The following L2HGDH variants were observed in gnomAD, a reference collection of about 807,000 sequenced individuals.
L2HGDH encodes L-2-hydroxyglutarate dehydrogenase, also known as L-2-hydroxyglutarate dehydrogenase, mitochondrial.
In L2HGDH, 34 loss-of-function variants were observed where a neutral mutation model predicts 51.5. That is an observed-to-expected ratio of 0.66 (90% CI 0.50 to 0.88). The LOEUF (loss-of-function observed/expected upper bound fraction) is 0.88, where lower values mean the gene tolerates loss of function less well. L2HGDH is among the 40% of genes least tolerant of loss of function. The pLI, the probability that L2HGDH is intolerant of heterozygous loss-of-function variation, is 0.00. For missense variants in L2HGDH, 558 were observed against 571.9 expected, an observed-to-expected ratio of 0.98 and a Z score of 0.25; for synonymous variants, 198 against 197.9, an observed-to-expected ratio of 1.00 and a Z score of -0.01.
At chr14:50,289,391 TAAC>T (rs1890740984) in intron 4 of L2HGDH, among the ~76,000 whole-genome samples, 1 of 152,130 alleles carries the variant, frequency 6.6e-6, no homozygotes, top group Non-Finnish European at 1.5e-5. Context: ...TTAATTATCT[TAAC>T]AGGGTAATCT....
At chr14:50,301,541 T>G (rs1356394271) in intron 3 of L2HGDH, among the ~76,000 whole-genome samples, 1 of 152,180 alleles carries the variant, frequency 6.6e-6, no homozygotes, top group South Asian at 2.1e-4. Context: ...TTTGACAACA[T>G]TATGCTAAGT....
Position 50,244,869 on chromosome 14 carries a change from AGAT to A in L2HGDH, c.*2186_*2188del, listed in dbSNP as rs1057003468. The stretch of plus-strand genomic sequence containing the variant: ...GAGGAAAGAAGACATACACAGTAGA[AGAT>A]GAATCCTGAGAGAGCAAATCAGAGA... On this transcript the variant is annotated 3_prime_UTR_variant, in exon 10 of 10. Coordinates refer to ENST00000267436, the MANE Select transcript of L2HGDH (RefSeq NM_024884.3). 1 of 985,390 alleles carries A rather than the reference AGAT, an allele frequency of 1.0e-6. No homozygotes were observed. The highest frequency in any genetic ancestry group is 1.7e-5 in the African/African-American group (1 of 57,264). The allele number at this position is 985,390 out of a possible 1,614,324, so 61.0% of individuals were successfully genotyped here.
intron 3 of L2HGDH, among the ~76,000 whole-genome samples, chr14:50,300,373 C>T (rs1372176394): frequency 6.6e-6 from 1 of 152,172 alleles, no homozygotes; most frequent in Non-Finnish European, 1.5e-5. Flanking sequence ...CGCCTCACTG[C>T]AACCTCTGCC....
chr14:50,252,321 A>C (rs1481421512), intron 9 of L2HGDH, among the ~76,000 whole-genome samples: 4 of 152,066 alleles, frequency 2.6e-5, no homozygotes, highest in Non-Finnish European at 5.9e-5. Context: ...TCAGAGAAAA[A>C]TCACCTTCAT....
intron 4 of L2HGDH, among the ~76,000 whole-genome samples, chr14:50,284,614 G>A (rs926926049): frequency 1.2e-4 from 18 of 152,058 alleles, no homozygotes; most frequent in Admixed American, 4.6e-4. Flanking sequence ...GTCATTGGCC[G>A]TTTCTAATTC....
At chr14:50,285,171 C>G (rs1458651711) in intron 4 of L2HGDH, among the ~76,000 whole-genome samples, 2 of 152,164 alleles carry the variant, frequency 1.3e-5, no homozygotes, top group Non-Finnish European at 2.9e-5. Flanking sequence ...TGCTTGAACC[C>G]CAGAGGCGGA....
chr14:50,243,102 A>G lies in L2HGDH; in HGVS notation c.*3956T>C. 1.0e-6 allele frequency: 1 copy of G among 985,500 alleles called. No individual in the cohort carries two copies. Among genetic ancestry groups the G allele is most frequent in the Non-Finnish European group, 1.2e-6 (1 of 829,954 alleles). The allele number at this position is 985,500 out of a possible 1,614,324, so 61.0% of individuals were successfully genotyped here. On this transcript the variant is annotated 3_prime_UTR_variant, in exon 10 of 10. Transcript: ENST00000267436. ...TAGATTTCCAAATGGCCTCAGGGAAAGTGGAATTCTGCCAACAGTAAAGGC... is the reference window on the plus strand; with the variant it reads ...TAGATTTCCAAATGGCCTCAGGGAAGGTGGAATTCTGCCAACAGTAAAGGC...
intron 1 of L2HGDH, among the ~76,000 whole-genome samples, chr14:50,308,059 G>T (rs1479050125): frequency 6.6e-6 from 1 of 152,188 alleles, no homozygotes; most frequent in Non-Finnish European, 1.5e-5. Context: ...ATCTCCCAAA[G>T]GACTCATACA....
chr14:50,271,265 T>C (rs1182254748), intron 6 of L2HGDH, among the ~76,000 whole-genome samples: 1 of 152,228 alleles, frequency 6.6e-6, no homozygotes, highest in Non-Finnish European at 1.5e-5. Context: ...CACAAAAGAT[T>C]GGCAGTTCTT....
At chr14:50,297,167 T>C (rs1449791589) in intron 3 of L2HGDH, among the ~76,000 whole-genome samples, 3 of 152,188 alleles carry the variant, frequency 2.0e-5, no homozygotes, top group Non-Finnish European at 4.4e-5. Flanking sequence ...GGGTAAAAGA[T>C]TGAATGCTTT....
At position 50,303,066 on chromosome 14, in the gene L2HGDH, C is replaced by T. The variant is rs375833037; in HGVS notation, c.141-49G>A. ...AGTAATTCATATTTACAGTAGACCT[C>T]GCCAAACTTCACATGCATAATTTTC... is the stretch of plus-strand genomic sequence containing the variant. On this transcript the variant is annotated intron_variant, in intron 1 of 9. Coordinates refer to ENST00000267436, the MANE Select transcript of L2HGDH (RefSeq NM_024884.3). 3.1e-4 allele frequency: 355 copies of T among 1,128,296 alleles called. 1 individual carries two copies. The highest frequency in any genetic ancestry group is 4.4e-4 in the Non-Finnish European group (327 of 739,966). 69.9% of individuals were successfully genotyped at this position (1,128,296 alleles called of 1,614,324 possible). A position where few individuals can be genotyped will look rare whatever the true frequency, so the allele number is the denominator to read the frequency against.
chr14:50,243,780 C>A lies in L2HGDH; in HGVS notation c.*3278G>T, dbSNP rs1337332725. 1.2e-3 allele frequency: 173 copies of A among 149,102 alleles called. No homozygotes were observed. The highest frequency in any genetic ancestry group is 4.2e-3 in the African/African-American group (169 of 40,648). The allele number at this position is 149,102 out of a possible 1,614,324, so 9.2% of individuals were successfully genotyped here. On this transcript the variant is annotated 3_prime_UTR_variant, in exon 10 of 10. Transcript: ENST00000267436. ...ATGTGCCGTGCTGGTGTGCTGCACCCATTAACTCGTCATTTAGCATTAGGT... is the reference window on the plus strand; with the variant it reads ...ATGTGCCGTGCTGGTGTGCTGCACCAATTAACTCGTCATTTAGCATTAGGT...
chr14:50,245,614 AT>A lies in L2HGDH; in HGVS notation c.*1443del. On this transcript the variant is annotated 3_prime_UTR_variant, in exon 10 of 10. Transcript: ENST00000267436. ...CCAAATACAAATATTGTTGCTCTAA[AT>A]AATGTGAGTTTTGTGACTCTTCAAA... is the stretch of plus-strand genomic sequence containing the variant. 1 of 973,960 alleles carries A rather than the reference AT, an allele frequency of 1.0e-6. No homozygotes were observed. The highest frequency in any genetic ancestry group is 1.1e-4 in the East Asian group (1 of 8,774). 60.3% of individuals were successfully genotyped at this position (973,960 alleles called of 1,614,324 possible).
chr14:50,249,499 G>A (rs1341513165), intron 9 of L2HGDH, among the ~76,000 whole-genome samples: 1 of 152,188 alleles, frequency 6.6e-6, no homozygotes, highest in African/African-American at 2.4e-5. Flanking sequence ...AGAGTTGTGA[G>A]GCCCGCATTA....
intron 3 of L2HGDH, among the ~76,000 whole-genome samples, chr14:50,301,410 TG>T (rs141511886): frequency 0.01 from 1,539 of 152,278 alleles, 22 homozygotes; most frequent in African/African-American, 0.035. Flanking sequence ...AGCCAAAAGG[TG>T]GAAACAATCC....
intron 7 of L2HGDH, among the ~76,000 whole-genome samples, chr14:50,268,381 G>GAAGA (rs1555328846): frequency 1.2e-4 from 8 of 67,924 alleles, no homozygotes; most frequent in African/African-American, 3.6e-4. Context: ...TCTGTCTCAG[G>GAAGA]AAAAAAAAAA....
chr14:50,289,297 CAG>C (rs1890734524), intron 4 of L2HGDH, among the ~76,000 whole-genome samples: 1 of 151,944 alleles, frequency 6.6e-6, no homozygotes, highest in African/African-American at 2.4e-5. Context: ...AGAAAATAAA[CAG>C]AATAAAATAA....
chr14:50,293,418 C>T, intron 4 of L2HGDH: 1 of 488,732 alleles, frequency 2.0e-6, no homozygotes, highest in South Asian at 3.8e-5. Context: ...ATCTTCTAGA[C>T]CCTGGGCTAG....
At chr14:50,273,330 G>A (rs1171769276) in intron 6 of L2HGDH, among the ~76,000 whole-genome samples, 2 of 152,100 alleles carry the variant, frequency 1.3e-5, no homozygotes, top group African/African-American at 2.4e-5. Context: ...TTTACCTGAC[G>A]GCATCATGAA....
Sources: allele counts gnomAD v4.1 joint callset (sites outside exome capture counted in the v4.1 genomes callset), GRCh38; gene constraint gnomAD v4.1.1; transcripts MANE v1.5; gene names NCBI Gene and HGNC (gene_info 2026-07-23, HGNC 2026-07-21).